CDH4: variants seen among roughly 807,000 people sequenced by gnomAD.
CDH4 encodes the protein cadherin 4, also known as cadherin-4.
In CDH4, 33 loss-of-function variants were observed where a neutral mutation model predicts 86.0. The observed-to-expected ratio is 0.38, with a 90% confidence interval of 0.29 to 0.51. CDH4 has a LOEUF of 0.51. CDH4 is among the 20% of genes least tolerant of loss of function. The pLI, the probability that CDH4 is intolerant of heterozygous loss-of-function variation, is 0.86. For missense variants in CDH4, 1,114 were observed against 1,307.4 expected (o/e 0.85, Z 2.28); for synonymous variants, 555 against 549.4 (o/e 1.01, Z -0.14).
At chr20:61,604,728 C>G (rs1367205804) in intron 2 of CDH4, among the ~76,000 whole-genome samples, 3 of 152,096 alleles carry the variant, frequency 2.0e-5, no homozygotes, top group Non-Finnish European at 2.9e-5. Flanking sequence ...TTTGTTTTTC[C>G]TGTCATTTCT....
At chr20:61,756,111 C>T (rs1038402999) in intron 3 of CDH4, among the ~76,000 whole-genome samples, 1 of 152,338 alleles carries the variant, frequency 6.6e-6, no homozygotes, top group African/African-American at 2.4e-5. Context: ...TCTGATGAAT[C>T]ACAGACAGCC....
At chr20:61,262,759 C>T (rs2084134592) in intron 2 of CDH4, among the ~76,000 whole-genome samples, 1 of 150,730 alleles carries the variant, frequency 6.6e-6, no homozygotes, top group African/African-American at 2.4e-5. Flanking sequence ...TCCTTACCTC[C>T]CACCCTCCTT....
At chr20:61,851,855 T>C (rs989549221) in intron 5 of CDH4, among the ~76,000 whole-genome samples, 12 of 152,166 alleles carry the variant, frequency 7.9e-5, no homozygotes, top group Non-Finnish European at 1.8e-4. Flanking sequence ...CCGGTGTCCA[T>C]TGTCCCTTGG....
chr20:61,812,124 G>C (rs1337070329), intron 4 of CDH4, among the ~76,000 whole-genome samples: 1 of 151,956 alleles, frequency 6.6e-6, no homozygotes, highest in Non-Finnish European at 1.5e-5. Flanking sequence ...AAGGGTGGCT[G>C]CCTAAGCTTC....
chr20:61,885,405 A>G (rs1984498018), intron 7 of CDH4, among the ~76,000 whole-genome samples: 1 of 151,980 alleles, frequency 6.6e-6, no homozygotes, highest in African/African-American at 2.4e-5. Context: ...CCTTCCATGC[A>G]TGGCGTTTCG....
intron 4 of CDH4, among the ~76,000 whole-genome samples, chr20:61,838,924 C>T (rs1381450651): frequency 1.3e-5 from 2 of 152,144 alleles, no homozygotes; most frequent in Non-Finnish European, 2.9e-5. Flanking sequence ...TGCCTGGGTC[C>T]TGTGCCTTCG....
chr20:61,522,044 G>A (rs1003736788), intron 2 of CDH4, among the ~76,000 whole-genome samples: 2 of 152,242 alleles, frequency 1.3e-5, no homozygotes, highest in Non-Finnish European at 1.5e-5. Context: ...TGGTGAGAGT[G>A]AAGCTGTGTC....
intron 2 of CDH4, among the ~76,000 whole-genome samples, chr20:61,474,631 T>G (rs2145572077): frequency 6.6e-6 from 1 of 152,278 alleles, no homozygotes; most frequent in Non-Finnish European, 1.5e-5. Context: ...TTATAATCAT[T>G]GTGCCATGGG....
chr20:61,746,409 C>G (rs1340597664), intron 3 of CDH4, among the ~76,000 whole-genome samples: 1 of 152,172 alleles, frequency 6.6e-6, no homozygotes, highest in African/African-American at 2.4e-5. Flanking sequence ...AGACCTTGCC[C>G]CAAGTGGTGT....
chr20:61,300,530 C>T (rs1432865414), intron 2 of CDH4, among the ~76,000 whole-genome samples: 12 of 152,172 alleles, frequency 7.9e-5, no homozygotes, highest in African/African-American at 2.7e-4. Context: ...GCTCATCCCC[C>T]GTCTGCCCTG....
At chr20:61,337,839 A>G (rs2084628147) in intron 2 of CDH4, among the ~76,000 whole-genome samples, 1 of 152,162 alleles carries the variant, frequency 6.6e-6, no homozygotes, top group Non-Finnish European at 1.5e-5. Context: ...CCCTGCTGTG[A>G]AGATAGAAAT....
intron 2 of CDH4, among the ~76,000 whole-genome samples, chr20:61,440,871 C>T (rs2085311711): frequency 6.6e-6 from 1 of 152,190 alleles, no homozygotes; most frequent in South Asian, 2.1e-4. Flanking sequence ...AATGCCACTG[C>T]CCTCGCGGTG....
At chr20:61,348,178 C>G (rs979955554) in intron 2 of CDH4, among the ~76,000 whole-genome samples, 2 of 152,118 alleles carry the variant, frequency 1.3e-5, no homozygotes, top group Non-Finnish European at 2.9e-5. Flanking sequence ...TTAATGGACT[C>G]GCAGTTCCAC....
intron 2 of CDH4, among the ~76,000 whole-genome samples, chr20:61,494,859 G>A (rs576576150): frequency 3.3e-5 from 5 of 152,366 alleles, no homozygotes; most frequent in South Asian, 2.1e-4. Context: ...GTGTGGTAGC[G>A]CCTCGTGCAT....
At chr20:61,929,953 C>G (rs1600787600) in intron 13 of CDH4, 111 bp downstream of exon 13, 1 of 791,276 alleles carries the variant, frequency 1.3e-6, no homozygotes, top group East Asian at 2.6e-5. Context: ...CCTCATCTCT[C>G]AGCCTCATCT....
At chr20:61,635,587 A>G (rs921698972) in intron 2 of CDH4, among the ~76,000 whole-genome samples, 1 of 152,192 alleles carries the variant, frequency 6.6e-6, no homozygotes, top group Admixed American at 6.5e-5. Context: ...GACAGGGCAC[A>G]AGGGAACGAG....
intron 2 of CDH4, among the ~76,000 whole-genome samples, chr20:61,624,997 C>T (rs1022208246): frequency 2.0e-5 from 3 of 152,178 alleles, no homozygotes; most frequent in East Asian, 1.9e-4. Context: ...TAATTATAAT[C>T]GCAGACACAT....
intron 2 of CDH4, among the ~76,000 whole-genome samples, chr20:61,702,491 C>T (rs780682847): frequency 2.6e-5 from 4 of 152,182 alleles, no homozygotes; most frequent in African/African-American, 7.2e-5. Flanking sequence ...TAGGTGCAGA[C>T]GCTTCGCACT....
At chr20:61,371,942 TGTG>T (rs2084843246) in intron 2 of CDH4, among the ~76,000 whole-genome samples, 1 of 152,184 alleles carries the variant, frequency 6.6e-6, no homozygotes, top group African/African-American at 2.4e-5. Flanking sequence ...AGCCCAGTCT[TGTG>T]GAGATGACCC....
Sources: gnomAD v4.1 joint callset for allele counts (sites outside exome capture counted in the v4.1 genomes callset) on GRCh38, gnomAD v4.1.1 for gene constraint, MANE v1.5 for transcripts, NCBI Gene and HGNC (gene_info 2026-07-23, HGNC 2026-07-21) for gene names.